The following GAN variants were observed in gnomAD, a reference collection of about 807,000 sequenced individuals.
GAN encodes the protein gigaxonin.
Under a neutral mutation model 71.3 loss-of-function variants are expected in GAN, and 48 were observed. That is an observed-to-expected ratio of 0.67 (90% CI 0.53 to 0.86). GAN has a LOEUF of 0.86. Ranked by LOEUF, GAN falls within the 40% of genes least tolerant of loss-of-function variation. The pLI is 0.00. For synonymous variants in GAN, 386 were observed against 276.8 expected, an observed-to-expected ratio of 1.39 and a Z score of -3.92; for missense variants, 928 against 770.1, an observed-to-expected ratio of 1.21 and a Z score of -2.43.
chr16:81,363,476 A>AG (rs1910745877), intron 6 of GAN, among the ~76,000 whole-genome samples: 1 of 151,782 alleles, frequency 6.6e-6, no homozygotes, highest in African/African-American at 2.4e-5. Context: ...AACACTGGGA[A>AG]AAAAGATTTC....
At chr16:81,331,564 T>C (rs1425512227) in intron 1 of GAN, among the ~76,000 whole-genome samples, 1 of 152,204 alleles carries the variant, frequency 6.6e-6, no homozygotes, top group Non-Finnish European at 1.5e-5. Flanking sequence ...ACCAAATTCC[T>C]AAGGAGCGGC....
chr16:81,329,349 G>A (rs1441866078), intron 1 of GAN, among the ~76,000 whole-genome samples: 3 of 152,130 alleles, frequency 2.0e-5, no homozygotes, highest in African/African-American at 7.2e-5. Flanking sequence ...TTCCTGGGTT[G>A]CCGCCCTCAA....
chr16:81,357,659 C>G (rs1267227911), intron 4 of GAN, 151 bp from the exon 5 acceptor site: 3 of 720,098 alleles, frequency 4.2e-6, no homozygotes, highest in African/African-American at 1.8e-5. Context: ...ATTCCTAGTT[C>G]TAGATCCCTG....
chr16:81,369,870 G>A (rs896734818), intron 9 of GAN, among the ~76,000 whole-genome samples: 3 of 152,130 alleles, frequency 2.0e-5, no homozygotes, highest in South Asian at 2.1e-4. Context: ...GCGCCCAGCC[G>A]ATGTTTTGCT....
intron 9 of GAN, among the ~76,000 whole-genome samples, chr16:81,373,816 C>T (rs1904274585): frequency 1.3e-5 from 2 of 152,164 alleles, no homozygotes; most frequent in African/African-American, 4.8e-5. Context: ...GATCTCAGCT[C>T]ACTGCAACCT....
Position 81,381,084 on chromosome 16 carries a change from C to T in GAN, c.*3488C>T, listed in dbSNP as rs1022402475. 2.6e-5 allele frequency: 4 copies of T among 152,122 alleles called. No homozygotes were observed. The highest frequency in any genetic ancestry group is 5.9e-5 in the Non-Finnish European group (4 of 68,026). The allele number at this position is 152,122 out of a possible 1,614,324, so 9.4% of individuals were successfully genotyped here. On this transcript the variant is annotated 3_prime_UTR_variant, in exon 11 of 11. Transcript: ENST00000648994. ...TATAATTTATGAGTTGGGGGGATTC[C>T]CTAGTCAATGCATAGGAAATACATT... is the stretch of plus-strand genomic sequence containing the variant.
chr16:81,379,458 GTTTAA>G lies in GAN; in HGVS notation c.*1864_*1868del, dbSNP rs1429684221. ...CCGCACAGTCATGTAATTCAATCATGTTTAATATGTCAGTCAAAACCAAATTCAGA... is the reference window on the plus strand; with the variant it reads ...CCGCACAGTCATGTAATTCAATCATGTATGTCAGTCAAAACCAAATTCAGA... On this transcript the variant is annotated 3_prime_UTR_variant, in exon 11 of 11. Coordinates refer to ENST00000648994, the MANE Select transcript of GAN (RefSeq NM_022041.4). 2 of 152,182 alleles carry G rather than the reference GTTTAA, an allele frequency of 1.3e-5. No individual in the cohort carries two copies. The highest frequency in any genetic ancestry group is 3.8e-4 in the East Asian group (2 of 5,198). The allele number at this position is 152,182 out of a possible 1,614,324, so 9.4% of individuals were successfully genotyped here. A position where few individuals can be genotyped will look rare whatever the true frequency, so the allele number is the denominator to read the frequency against.
At chr16:81,367,368 CA>C (rs879560922) in intron 9 of GAN, among the ~76,000 whole-genome samples, 118 of 143,646 alleles carry the variant, frequency 8.2e-4, no homozygotes, top group Admixed American at 6.9e-4. Flanking sequence ...ACTAAAAGTA[CA>C]AAAAAAAAAA....
At chr16:81,361,750 A>G (rs1358541817) in intron 5 of GAN, among the ~76,000 whole-genome samples, 2 of 152,182 alleles carry the variant, frequency 1.3e-5, no homozygotes, top group Admixed American at 6.5e-5. Flanking sequence ...GCTGGAGTAC[A>G]ATGGCATGAT....
At chr16:81,377,100 C>G in intron 9 of GAN, 119 bp from the exon 10 acceptor site, 1 of 781,628 alleles carries the variant, frequency 1.3e-6, no homozygotes, top group East Asian at 2.4e-5. Context: ...AACGTGGGGT[C>G]GAGATTGGCA....
chr16:81,354,678 A>C lies in GAN; in HGVS notation c.556A>C (p.Lys186Gln). The C allele has an allele frequency of 1.9e-6, 3 of 1,613,636 alleles. No individual in the cohort carries two copies. Among genetic ancestry groups the C allele is most frequent in the Non-Finnish European group, 2.5e-6 (3 of 1,179,488 alleles). The change falls in exon 3 of 11, where the codon AAG (lysine) becomes CAG (glutamine). Residue 186 changes from lysine to glutamine, a missense_variant. Lys to Gln is a moderately conservative substitution (Grantham distance 53). Coordinates refer to ENST00000648994, the MANE Select transcript of GAN (RefSeq NM_022041.4). The stretch of plus-strand genomic sequence containing the variant: ...GCTTAAAGAAGTGATTTCTCTTGAG[A>C]AGTTAAACGTTGGCAATGAAAGATA... ...QKLKEVISLE[K>Q]LNVGNERYVF...
chr16:81,340,087 T>C (rs1394900191), intron 1 of GAN, among the ~76,000 whole-genome samples: 1 of 152,170 alleles, frequency 6.6e-6, no homozygotes, highest in African/African-American at 2.4e-5. Flanking sequence ...GAAAAACCTG[T>C]ATTCTTTATA....
chr16:81,374,123 A>G (rs962442836), intron 9 of GAN, among the ~76,000 whole-genome samples: 1 of 152,126 alleles, frequency 6.6e-6, no homozygotes, highest in East Asian at 1.9e-4. Context: ...GGATCTCTTA[A>G]TTTGGATTGA....
intron 3 of GAN, 147 bp from the exon 4 acceptor site, chr16:81,356,638 A>G (rs1437810430): frequency 1.4e-6 from 1 of 737,232 alleles, no homozygotes; most frequent in East Asian, 2.6e-5. Context: ...AGGAGAAGAT[A>G]TTCAAGCAGC....
intron 1 of GAN, among the ~76,000 whole-genome samples, chr16:81,326,696 A>G (rs1002311833): frequency 6.6e-6 from 1 of 152,234 alleles, no homozygotes; most frequent in Non-Finnish European, 1.5e-5. Context: ...CACCTAGACT[A>G]TCTGATGTAG....
At chr16:81,316,188 T>C (rs1426605556) in intron 1 of GAN, among the ~76,000 whole-genome samples, 17 of 152,102 alleles carry the variant, frequency 1.1e-4, no homozygotes, top group Admixed American at 1.1e-3. Context: ...TAGGTTGCTG[T>C]TTTAATAAAA....
chr16:81,325,012 C>T (rs529993881), intron 1 of GAN, among the ~76,000 whole-genome samples: 3 of 152,038 alleles, frequency 2.0e-5, no homozygotes, highest in Non-Finnish European at 2.9e-5. Flanking sequence ...AAGGGCAGAC[C>T]AGGGATGACT....
chr16:81,371,168 A>T (rs556425332), intron 9 of GAN, among the ~76,000 whole-genome samples: 9 of 152,238 alleles, frequency 5.9e-5, no homozygotes, highest in African/African-American at 2.2e-4. Context: ...CTTTGTTTTT[A>T]GGTTTTTAAA....
chr16:81,367,124 A>G (rs534407574), intron 9 of GAN, among the ~76,000 whole-genome samples: 20 of 152,298 alleles, frequency 1.3e-4, no homozygotes, highest in African/African-American at 4.8e-4. Flanking sequence ...CACCTGGCCT[A>G]TCAGGTTGTT....
Sources: gnomAD v4.1 joint callset for allele counts (sites outside exome capture counted in the v4.1 genomes callset) on GRCh38, gnomAD v4.1.1 for gene constraint, MANE v1.5 for transcripts, NCBI Gene and HGNC (gene_info 2026-07-23, HGNC 2026-07-21) for gene names.